Variants in ERC2 observed in about 807,000 individuals in gnomAD.
The protein encoded by ERC2 is ERC protein 2.
ERC2 carries 42 observed loss-of-function variants against 114.8 expected under a neutral mutation model. The observed-to-expected ratio is 0.37, with a 90% CI of 0.29 to 0.47. ERC2 has a LOEUF of 0.47. ERC2 is among the 20% of genes least tolerant of loss of function. The probability of loss-of-function intolerance (pLI) is 0.99; values close to 1 mark genes in which losing one functional copy is unlikely to be tolerated. For missense variants in ERC2, 939 were observed against 1,150.7 expected, an observed-to-expected ratio of 0.82 and a Z score of 2.66; for synonymous variants, 454 against 425.5, an observed-to-expected ratio of 1.07 and a Z score of -0.82.
intron 3 of ERC2, among the ~76,000 whole-genome samples, chr3:56,278,507 C>T (rs2054153392): frequency 6.6e-6 from 1 of 152,168 alleles, no homozygotes; most frequent in Non-Finnish European, 1.5e-5. Flanking sequence ...AATAAAAGAA[C>T]ATTGGTAGAA....
intron 3 of ERC2, among the ~76,000 whole-genome samples, chr3:56,191,335 A>C (rs1473630404): frequency 6.6e-6 from 1 of 152,160 alleles, no homozygotes; most frequent in African/African-American, 2.4e-5. Context: ...GGCACACTGC[A>C]AACTGTCTGA....
At chr3:55,545,558 A>C (rs536383596) in intron 17 of ERC2, among the ~76,000 whole-genome samples, 1 of 152,302 alleles carries the variant, frequency 6.6e-6, no homozygotes, top group South Asian at 2.1e-4. Flanking sequence ...GGAACAATTT[A>C]TCCTTTCAGT....
At chr3:56,453,221 A>G (rs568864473) in intron 1 of ERC2, among the ~76,000 whole-genome samples, 26 of 152,312 alleles carry the variant, frequency 1.7e-4, no homozygotes, top group African/African-American at 6.3e-4. Context: ...TGGCCAATGA[A>G]ATGTGAGCAG....
At chr3:56,355,485 T>C (rs115524651) in intron 2 of ERC2, among the ~76,000 whole-genome samples, 3 of 151,776 alleles carry the variant, frequency 2.0e-5, no homozygotes, top group Admixed American at 6.6e-5. Flanking sequence ...GCTCGGATAA[T>C]TTTTTTTGTA....
chr3:56,283,668 T>C (rs987735536), intron 3 of ERC2, among the ~76,000 whole-genome samples: 4 of 152,222 alleles, frequency 2.6e-5, no homozygotes, highest in African/African-American at 7.2e-5. Flanking sequence ...GATTACTTTC[T>C]AGCACACTAA....
intron 7 of ERC2, among the ~76,000 whole-genome samples, chr3:56,068,285 G>C (rs6796689): frequency 0.6 from 91,206 of 151,902 alleles, 29,922 homozygotes; most frequent in East Asian, 0.73. Flanking sequence ...ACGTGTCCAG[G>C]AATTTCTCCA....
intron 13 of ERC2, among the ~76,000 whole-genome samples, chr3:55,906,176 T>C (rs1311657828): frequency 8.8e-6 from 1 of 114,014 alleles, no homozygotes; most frequent in Admixed American, 1.1e-4. Context: ...CCAGTGGTTG[T>C]CAAAGTAGTG....
intron 17 of ERC2, among the ~76,000 whole-genome samples, chr3:55,544,381 A>G (rs143483313): frequency 6.6e-6 from 1 of 152,064 alleles, no homozygotes; most frequent in Non-Finnish European, 1.5e-5. Flanking sequence ...CTGATGTGCC[A>G]TTTGGCCTCC....
intron 14 of ERC2, among the ~76,000 whole-genome samples, chr3:55,768,310 C>T (rs2067960102): frequency 1.3e-5 from 2 of 152,184 alleles, no homozygotes; most frequent in African/African-American, 4.8e-5. Context: ...AAAGCACTAT[C>T]TGGGAATCCA....
intron 13 of ERC2, among the ~76,000 whole-genome samples, chr3:55,930,345 G>A (rs1328218827): frequency 6.6e-6 from 1 of 152,180 alleles, no homozygotes; most frequent in African/African-American, 2.4e-5. Flanking sequence ...GATTACCACA[G>A]AAGTCAGGAG....
At chr3:55,863,304 G>A (rs984322685) in intron 14 of ERC2, among the ~76,000 whole-genome samples, 8 of 152,046 alleles carry the variant, frequency 5.3e-5, no homozygotes, top group Non-Finnish European at 7.4e-5. Context: ...GAATATCTCT[G>A]CTTGCTCGAC....
chr3:56,062,549 A>G (rs1229036482), intron 7 of ERC2, among the ~76,000 whole-genome samples: 1 of 152,226 alleles, frequency 6.6e-6, no homozygotes, highest in African/African-American at 2.4e-5. Context: ...TAATAATGAT[A>G]CAAGGCCCTT....
chr3:55,827,354 T>A (rs2060369960), intron 14 of ERC2, among the ~76,000 whole-genome samples: 5 of 130,134 alleles, frequency 3.8e-5, no homozygotes, highest in African/African-American at 8.8e-5. Context: ...GAGGAGGAGA[T>A]GAAAGTAAGA....
At chr3:56,048,401 C>T (rs954557805) in intron 7 of ERC2, among the ~76,000 whole-genome samples, 1 of 152,194 alleles carries the variant, frequency 6.6e-6, no homozygotes, top group South Asian at 2.1e-4. Flanking sequence ...ACATTCTAAA[C>T]ACAGTGCTTG....
chr3:55,622,064 T>A (rs1474142796), intron 17 of ERC2, among the ~76,000 whole-genome samples: 2 of 152,208 alleles, frequency 1.3e-5, no homozygotes, highest in African/African-American at 4.8e-5. Flanking sequence ...TCCATCCGAA[T>A]CTGTTTGCTT....
chr3:56,055,822 C>G (rs1009729420), intron 7 of ERC2, among the ~76,000 whole-genome samples: 6 of 152,234 alleles, frequency 3.9e-5, no homozygotes, highest in African/African-American at 7.2e-5. Flanking sequence ...CTTGCATGCC[C>G]TCATGCTGAG....
At chr3:55,776,574 C>A (rs367979315) in intron 14 of ERC2, among the ~76,000 whole-genome samples, 1 of 152,048 alleles carries the variant, frequency 6.6e-6, no homozygotes, top group South Asian at 2.1e-4. Context: ...AAGAAATAGG[C>A]GTGAGTTACT....
At chr3:55,570,497 AGT>A in intron 17 of ERC2, among the ~76,000 whole-genome samples, 1 of 152,242 alleles carries the variant, frequency 6.6e-6, no homozygotes, top group East Asian at 1.9e-4. Context: ...GGATGAGGTG[AGT>A]GCAGAGGGAG....
chr3:55,821,266 A>G (rs2060111709), intron 14 of ERC2, among the ~76,000 whole-genome samples: 1 of 152,140 alleles, frequency 6.6e-6, no homozygotes, highest in Non-Finnish European at 1.5e-5. Context: ...GTTATTCCCC[A>G]TGTTAAAATC....
Sources: gnomAD v4.1 joint callset for allele counts (sites outside exome capture counted in the v4.1 genomes callset) on GRCh38, gnomAD v4.1.1 for gene constraint, MANE v1.5 for transcripts, NCBI Gene and HGNC (gene_info 2026-07-23, HGNC 2026-07-21) for gene names.